MAGEA10: variants seen among roughly 807,000 people sequenced by gnomAD.
The protein encoded by MAGEA10 is MAGE family member A10.
In MAGEA10, 7 loss-of-function variants were observed where a neutral mutation model predicts 8.6. That is an observed-to-expected ratio of 0.82 (90% CI 0.46 to 1.53). The LOEUF is 1.53. MAGEA10 is among the 40% of genes most tolerant of loss of function. MAGEA10 has a pLI of 0.01. For missense variants in MAGEA10, 293 were observed against 274.0 expected (o/e 1.07, Z -0.49); for synonymous variants, 125 against 107.4 (o/e 1.16, Z -1.02).
intron 3 of MAGEA10, 27 bp from the exon 4 acceptor site, chrX:152,135,712 G>T: frequency 5.9e-6 from 5 of 852,040 alleles, no homozygotes; most frequent in Non-Finnish European, 8.1e-6. Context: ...GGTGTAAGTG[G>T]CCACAGCTGA....
rs1042069502 is a variant in MAGEA10, at chrX:152,134,388, C to T, written c.*123G>A. On this transcript the variant is annotated 3_prime_UTR_variant, in exon 4 of 4. Coordinates refer to ENST00000370323, the MANE Select transcript of MAGEA10 (RefSeq NM_021048.5). ...CTCCTATTTAATTGTAATGTAACTA[C>T]TGCTCTACTCTCTACTTCCATGATA... 5 of 551,982 alleles carry T rather than the reference C, an allele frequency of 9.1e-6. No homozygotes were observed. The African/African-American group carries it at 1.2e-4, about 13-fold the overall frequency. The allele number at this position is 551,982 out of a possible 1,213,427, so 45.5% of individuals were successfully genotyped here.
chrX:152,134,566 G>C lies in MAGEA10; in HGVS notation c.1055C>G (p.Thr352Ser), dbSNP rs1320897948. ...GCTAGAACTTGCACTGGCCATGGCA[G>C]TAGTATCATCTGTGGTGGCAATTCT... ...QDRIATTDDT[T>S]AMASASSSAT... is the part of the protein sequence containing the mutation. The change falls in exon 4 of 4, where the codon ACT becomes AGT. Residue 352 changes from threonine (T) to serine (S), a missense_variant. Transcript: ENST00000370323. 2 of 1,206,074 alleles carry C rather than the reference G, an allele frequency of 1.7e-6. No individual in the cohort carries two copies. Among genetic ancestry groups the C allele is most frequent in the African/African-American group, 3.5e-5 (2 of 56,704 alleles).
chrX:152,135,668 C>T lies in MAGEA10; in HGVS notation c.-48G>A, dbSNP rs202079307. 1.1e-4 allele frequency: 117 copies of T among 1,067,411 alleles called. No individual in the cohort carries two copies. Among genetic ancestry groups the T allele is most frequent in the Middle Eastern group, 5.2e-4 (2 of 3,812 alleles). 88.0% of individuals were successfully genotyped at this position (1,067,411 alleles called of 1,213,427 possible). ...GGTGGGAGTGTGGGCAGGACTTGGG[C>T]GATGGGGACCCACAGGCCTGGGGAG... is the stretch of plus-strand genomic sequence containing the variant. On this transcript the variant is annotated 5_prime_UTR_variant, in exon 4 of 4. Coordinates refer to ENST00000370323, the MANE Select transcript of MAGEA10 (RefSeq NM_021048.5).
rs889490203 is a variant in MAGEA10 at position 152,134,340 on chromosome X, C to T, written c.*171G>A. 7 of 424,588 alleles carry T rather than the reference C, an allele frequency of 1.6e-5. No homozygotes were observed. The Admixed American group carries it at 1.7e-4, about 10-fold the overall frequency. The allele number at this position is 424,588 out of a possible 1,213,427, so 35.0% of individuals were successfully genotyped here. A position where few individuals can be genotyped will look rare whatever the true frequency, so the allele number is the denominator to read the frequency against. On this transcript the variant is annotated 3_prime_UTR_variant, in exon 4 of 4. Coordinates refer to ENST00000370323, the MANE Select transcript of MAGEA10 (RefSeq NM_021048.5). ...TGTTAACTATAGTCATCCTACTGTG[C>T]AATAGAACACTAGAACTTATTCCTC...
In MAGEA10 at chrX:152,134,654, G is replaced by T; in HGVS notation, c.967C>A (p.Pro323Thr). 1.7e-6 allele frequency: 2 copies of T among 1,209,848 alleles called. No homozygotes were observed. The highest frequency in any genetic ancestry group is 2.2e-6 in the Non-Finnish European group (2 of 894,545). ...KFLAKVNGSD[P>T]RSFPLWYEEA... Reference sequence around the variant, plus strand: ...TCATACCACAGTGGGAAGGATCTTGGATCACTCCCATTTACCTTGGCCAAA... The same window carrying T: ...TCATACCACAGTGGGAAGGATCTTGTATCACTCCCATTTACCTTGGCCAAA... Residue 323 changes from proline (P) to threonine (T), a missense_variant, in exon 4 of 4, where the codon CCA becomes ACA. Coordinates refer to ENST00000370323, the MANE Select transcript of MAGEA10 (RefSeq NM_021048.5).
chrX:152,134,459 T>A lies in MAGEA10; in HGVS notation c.*52A>T. The A allele has an allele frequency of 7.9e-6, 7 of 889,239 alleles. No individual in the cohort carries two copies. Among genetic ancestry groups the A allele is most frequent in the South Asian group, 2.6e-5 (1 of 38,812 alleles). The allele number at this position is 889,239 out of a possible 1,213,427, so 73.3% of individuals were successfully genotyped here. Reference sequence around the variant, plus strand: ...TTTTAGATTCCACATATGAGTAAAATCATGTGGTATTTGACTTGCCTTTTA... The same window carrying A: ...TTTTAGATTCCACATATGAGTAAAAACATGTGGTATTTGACTTGCCTTTTA... On this transcript the variant is annotated 3_prime_UTR_variant, in exon 4 of 4. Coordinates refer to ENST00000370323, the MANE Select transcript of MAGEA10 (RefSeq NM_021048.5).
At position 152,136,398 on chromosome X, in the gene MAGEA10, T is replaced by C. The variant is rs1035257174; in HGVS notation, c.-140+473A>G. ...AGGTGGCCATATTCAGCTGGGTCCA[T>C]GTGTACTGGGGTGAGGAGCCTGCTT... is the stretch of plus-strand genomic sequence containing the variant. On this transcript the variant is annotated intron_variant, in intron 2 of 3. Transcript: ENST00000370323. 2.7e-5 allele frequency among the ~76,000 whole-genome samples: 3 copies of C among 111,424 alleles called. No homozygotes were observed. In the Admixed American group the frequency reaches 2.8e-4, roughly 11 times the overall value.
At chrX:152,137,225 C>T (rs1936693615) in intron 1 of MAGEA10, among the ~76,000 whole-genome samples, 1 of 109,344 alleles carries the variant, frequency 9.1e-6, no homozygotes, top group African/African-American at 3.3e-5. Context: ...ACTAAGGGGG[C>T]ACCCCTTGGG....
intron 1 of MAGEA10, among the ~76,000 whole-genome samples, chrX:152,137,811 C>T (rs1442047611): frequency 9.1e-6 from 1 of 110,417 alleles, no homozygotes; most frequent in Non-Finnish European, 1.9e-5. Context: ...ACATGGGCCA[C>T]CGTGCCTGAA....
chrX:152,136,547 C>A (rs1936678442), intron 2 of MAGEA10, among the ~76,000 whole-genome samples: 1 of 110,747 alleles, frequency 9.0e-6, no homozygotes, highest in Admixed American at 9.5e-5. Flanking sequence ...GTCCATCTAC[C>A]CCCAGTTCCC....
In MAGEA10 at chrX:152,135,581, C is replaced by T; in HGVS notation, c.40G>A (p.Glu14Lys). The change falls in exon 4 of 4, where the codon GAA becomes AAA. Residue 14 changes from glutamate to lysine, a missense_variant. By Grantham distance (56) the Glu-to-Lys change is moderately conservative (BLOSUM62 1). Coordinates refer to ENST00000370323, the MANE Select transcript of MAGEA10 (RefSeq NM_021048.5). ...GTCTCACTTTGGGATTGAAGATCTT[C>T]TTCAGGCATGCAGCGCTGACGCTTT... ...APKRQRCMPE[E>K]DLQSQSETQG... The T allele has an allele frequency of 8.7e-7, 1 of 1,149,795 alleles. No homozygotes were observed. Among genetic ancestry groups the T allele is most frequent in the Non-Finnish European group, 1.2e-6 (1 of 866,182 alleles). 94.8% of individuals were successfully genotyped at this position (1,149,795 alleles called of 1,213,427 possible). A position where few individuals can be genotyped will look rare whatever the true frequency, so the allele number is the denominator to read the frequency against.
chrX:152,136,843 A>T (rs891171624), intron 2 of MAGEA10, 28 bp downstream of exon 2: 4 of 111,238 alleles, frequency 3.6e-5, no homozygotes, highest in African/African-American at 1.3e-4. Context: ...GGCTGGGGGT[A>T]CCCTCAGATT....
Position 152,135,837 on chromosome X carries a change from G to T in MAGEA10, c.-139-3C>A. 1 of 311,089 alleles carries T rather than the reference G, an allele frequency of 3.2e-6. No individual in the cohort carries two copies. The highest frequency in any genetic ancestry group is 1.9e-4 in the South Asian group (1 of 5,383). 25.6% of individuals were successfully genotyped at this position (311,089 alleles called of 1,213,427 possible). On this transcript the variant is annotated splice_polypyrimidine_tract_variant and splice_region_variant and intron_variant, in intron 2 of 3. Transcript: ENST00000370323. ...TGCTCTCCCTGTCCCCTGAGAACCT[G>T]AAGAAGGAAGTGAGAGATGGCTCCT... is the stretch of plus-strand genomic sequence containing the variant.
rs34509899 is a variant in MAGEA10, at chrX:152,134,418, CTTT to C, written c.*90_*92del. ...CTACTCTCTACTTCCATGATACCAA[CTTT>C]TTTTTTTTTTTTTTTTAGATTCCAC... On this transcript the variant is annotated 3_prime_UTR_variant, in exon 4 of 4. Transcript: ENST00000370323. 3.1e-3 allele frequency: 1,831 copies of C among 595,280 alleles called. No individual in the cohort carries two copies. Among genetic ancestry groups the C allele is most frequent in the Non-Finnish European group, 3.5e-3 (1,426 of 408,988 alleles). 49.1% of individuals were successfully genotyped at this position (595,280 alleles called of 1,213,427 possible).
In MAGEA10 at chrX:152,134,522, A is replaced by G. The variant is rs1936621127; in HGVS notation, c.1099T>C (p.Tyr367His). The G allele has an allele frequency of 8.3e-7, 1 of 1,205,199 alleles. No individual in the cohort carries two copies. Among genetic ancestry groups the G allele is most frequent in the Non-Finnish European group, 1.1e-6 (1 of 891,926 alleles). Residue 367 changes from tyrosine (Y) to histidine (H), a missense_variant, in exon 4 of 4, where the codon TAC becomes CAC. Physicochemically the swap from Tyr to His is moderately conservative, Grantham distance 83. Coordinates refer to ENST00000370323, the MANE Select transcript of MAGEA10 (RefSeq NM_021048.5). ...ASSSATGSFS[Y>H]PE ...GAATCTGTCTTACTTTATTCAGGGT[A>G]GGAGAAGCTACCTGTAGCGCTAGAA...
In MAGEA10 at chrX:152,134,165, G is replaced by A. The variant is rs1936613403; in HGVS notation, c.*346C>T. 3 of 174,718 alleles carry A rather than the reference G, an allele frequency of 1.7e-5. No individual in the cohort carries two copies. The highest frequency in any genetic ancestry group is 3.2e-5 in the Non-Finnish European group (3 of 93,966). The allele number at this position is 174,718 out of a possible 1,213,427, so 14.4% of individuals were successfully genotyped here. A position where few individuals can be genotyped will look rare whatever the true frequency, so the allele number is the denominator to read the frequency against. On this transcript the variant is annotated 3_prime_UTR_variant, in exon 4 of 4. Coordinates refer to ENST00000370323, the MANE Select transcript of MAGEA10 (RefSeq NM_021048.5). ...CTGACATGTAATTGTAGATATTTAT[G>A]AGGTACAATTTGATGTTCTGATTCA...
In MAGEA10 at chrX:152,134,418, CTTTTTT is replaced by C; in HGVS notation, c.*87_*92del. ...CTACTCTCTACTTCCATGATACCAA[CTTTTTT>C]TTTTTTTTTTTTTAGATTCCACATA... On this transcript the variant is annotated 3_prime_UTR_variant, in exon 4 of 4. Coordinates refer to ENST00000370323, the MANE Select transcript of MAGEA10 (RefSeq NM_021048.5). 1 of 606,974 alleles carries C rather than the reference CTTTTTT, an allele frequency of 1.6e-6. No homozygotes were observed. The highest frequency in any genetic ancestry group is 2.4e-6 in the Non-Finnish European group (1 of 415,816). 50.0% of individuals were successfully genotyped at this position (606,974 alleles called of 1,213,427 possible).
Position 152,134,700 on chromosome X carries a change from C to T in MAGEA10, c.921G>A (p.Arg307=). The T allele has an allele frequency of 8.3e-7, 1 of 1,210,976 alleles. No individual in the cohort carries two copies. The highest frequency in any genetic ancestry group is 1.1e-6 in the Non-Finnish European group (1 of 895,071). The stretch of plus-strand genomic sequence containing the variant: ...CCAAAAATTTCAGGAGACTCATCTT[C>T]CTAATTTCAGCATGAGCCCTTGGAC... ...LWGPRAHAEI[R]KMSLLKFLAK... is the part of the protein sequence containing the mutation. The change falls in exon 4 of 4, where the codon AGG becomes AGA. Residue 307 remains arginine, a synonymous_variant. Coordinates refer to ENST00000370323, the MANE Select transcript of MAGEA10 (RefSeq NM_021048.5).
At position 152,134,572 on chromosome X, in the gene MAGEA10, T is replaced by A; in HGVS notation, c.1049A>T (p.Asp350Val). The A allele has an allele frequency of 8.3e-7, 1 of 1,205,253 alleles. No individual in the cohort carries two copies. Among genetic ancestry groups the A allele is most frequent in the South Asian group, 1.8e-5 (1 of 56,636 alleles). ...RAQDRIATTDDTTAMASASSS... is the reference protein window; with the variant it reads ...RAQDRIATTDVTTAMASASSS... ...ACTTGCACTGGCCATGGCAGTAGTATCATCTGTGGTGGCAATTCTGTCCTG... is the reference window on the plus strand; with the variant it reads ...ACTTGCACTGGCCATGGCAGTAGTAACATCTGTGGTGGCAATTCTGTCCTG... Residue 350 changes from aspartate (D) to valine (V), a missense_variant, in exon 4 of 4, where the codon GAT becomes GTT. Physicochemically the swap from Asp to Val is radical, Grantham distance 152. Coordinates refer to ENST00000370323, the MANE Select transcript of MAGEA10 (RefSeq NM_021048.5).
Sources: gnomAD v4.1 joint callset for allele counts (sites outside exome capture counted in the v4.1 genomes callset) on GRCh38, gnomAD v4.1.1 for gene constraint, MANE v1.5 for transcripts, NCBI Gene and HGNC (gene_info 2026-07-23, HGNC 2026-07-21) for gene names.